Variants in KHDRBS3 observed in about 807,000 individuals in gnomAD.
KHDRBS3 encodes the protein KH domain-containing, RNA-binding, signal transduction-associated protein 3.
Under a neutral mutation model 45.6 loss-of-function variants are expected in KHDRBS3, and 23 were observed. That is an observed-to-expected ratio of 0.50 (90% CI 0.36 to 0.72). KHDRBS3 has a LOEUF of 0.72. Among genes scored for constraint, KHDRBS3 ranks in the 30% least tolerant of loss-of-function variants. KHDRBS3 has a pLI of 0.00. For missense variants in KHDRBS3, 352 were observed against 424.8 expected, an observed-to-expected ratio of 0.83 and a Z score of 1.51; for synonymous variants, 162 against 156.5, an observed-to-expected ratio of 1.04 and a Z score of -0.26.
intron 1 of KHDRBS3, chr8:135,458,245 G>A (rs1242163562): frequency 6.1e-6 from 7 of 1,151,410 alleles, no homozygotes; most frequent in Non-Finnish European, 6.5e-6. Flanking sequence ...CTGGGTGGGG[G>A]ACAGCGACCA....
chr8:135,520,486 A>G (rs1824852276), intron 1 of KHDRBS3, among the ~76,000 whole-genome samples: 1 of 152,182 alleles, frequency 6.6e-6, no homozygotes, highest in Admixed American at 6.5e-5. Context: ...AGAGAAATTT[A>G]TGTTCCAGAG....
intron 1 of KHDRBS3, among the ~76,000 whole-genome samples, chr8:135,463,917 G>A (rs1381697551): frequency 6.6e-6 from 1 of 152,140 alleles, no homozygotes; most frequent in Admixed American, 6.5e-5. Flanking sequence ...ACCAATTTGA[G>A]GCTCTTCCGT....
rs536653674 is a variant in KHDRBS3, at chr8:135,485,119, G to C, written c.88+27165G>C. On this transcript the variant is annotated intron_variant, in intron 1 of 8. Transcript: ENST00000355849. ...TACTCAGTTCAGTTTTCTTCAGTGC[G>C]CTCCTTTGCCATCTGACACATGATC... 3.9e-5 allele frequency among the ~76,000 whole-genome samples: 6 copies of C among 152,028 alleles called. No individual in the cohort carries two copies. In the South Asian group the frequency reaches 1.2e-3, roughly 32 times the overall value.
At chr8:135,553,431 AC>A (rs1826716309) in intron 4 of KHDRBS3, among the ~76,000 whole-genome samples, 1 of 152,024 alleles carries the variant, frequency 6.6e-6, no homozygotes, top group South Asian at 2.1e-4. Context: ...TTTTTAACTT[AC>A]GTGATTTTGG....
chr8:135,576,583 GT>G (rs940168367), intron 5 of KHDRBS3, among the ~76,000 whole-genome samples: 27 of 148,308 alleles, frequency 1.8e-4, no homozygotes, highest in Admixed American at 6.7e-4. Context: ...TAATTTGAGG[GT>G]TTTTTTTTTA....
chr8:135,537,873 ATT>A (rs1322420612), intron 2 of KHDRBS3, among the ~76,000 whole-genome samples: 1 of 152,182 alleles, frequency 6.6e-6, no homozygotes, highest in Non-Finnish European at 1.5e-5. Context: ...ATTAAAATGT[ATT>A]TGCTTATTTC....
intron 7 of KHDRBS3, among the ~76,000 whole-genome samples, chr8:135,626,147 A>G (rs953040506): frequency 2.0e-5 from 3 of 152,268 alleles, no homozygotes; most frequent in African/African-American, 7.2e-5. Flanking sequence ...GCTGTCCTTC[A>G]TATATGTATA....
At chr8:135,462,494 CG>C (rs1351698379) in intron 1 of KHDRBS3, among the ~76,000 whole-genome samples, 2 of 152,028 alleles carry the variant, frequency 1.3e-5, no homozygotes, top group African/African-American at 4.8e-5. Flanking sequence ...AATGAATTTT[CG>C]GTTTGTAGAT....
chr8:135,565,215 A>C (rs1274761675), intron 5 of KHDRBS3, among the ~76,000 whole-genome samples: 1 of 152,166 alleles, frequency 6.6e-6, no homozygotes, highest in Admixed American at 6.5e-5. Flanking sequence ...GGAATTTCTT[A>C]AGCAAGAACA....
At chr8:135,632,262 G>A (rs771579675) in intron 7 of KHDRBS3, among the ~76,000 whole-genome samples, 6 of 152,266 alleles carry the variant, frequency 3.9e-5, no homozygotes, top group Middle Eastern at 6.8e-3. Context: ...GAGGGAATCC[G>A]TCGTTCCTTC....
chr8:135,538,805 G>A (rs775025073), intron 2 of KHDRBS3: 5 of 152,084 alleles, frequency 3.3e-5, no homozygotes, highest in Non-Finnish European at 4.4e-5. Context: ...TGCCGCTTTC[G>A]TTGTTTATTA....
intron 7 of KHDRBS3, among the ~76,000 whole-genome samples, chr8:135,627,335 G>A (rs1355808554): frequency 6.6e-6 from 1 of 152,206 alleles, no homozygotes; most frequent in African/African-American, 2.4e-5. Context: ...GAAGAAGGGG[G>A]AAGAGTGGAA....
At chr8:135,475,695 A>T (rs1023262383) in intron 1 of KHDRBS3, among the ~76,000 whole-genome samples, 11 of 152,128 alleles carry the variant, frequency 7.2e-5, no homozygotes, top group Admixed American at 7.2e-4. Context: ...ATAATTATTA[A>T]TAATAATGAT....
chr8:135,555,428 G>A (rs1586714101), intron 4 of KHDRBS3, among the ~76,000 whole-genome samples: 1 of 146,754 alleles, frequency 6.8e-6, no homozygotes, highest in South Asian at 2.1e-4. Context: ...TGTATTTTGT[G>A]TGTGGCCCAA....
At chr8:135,624,855 C>T (rs1456603565) in intron 7 of KHDRBS3, among the ~76,000 whole-genome samples, 1 of 152,182 alleles carries the variant, frequency 6.6e-6, no homozygotes, top group Non-Finnish European at 1.5e-5. Context: ...TTACATTTCT[C>T]CACTGAGGTC....
At chr8:135,485,751 A>C (rs1822820287) in intron 1 of KHDRBS3, among the ~76,000 whole-genome samples, 1 of 151,134 alleles carries the variant, frequency 6.6e-6, no homozygotes, top group Non-Finnish European at 1.5e-5. Context: ...AAAGTCCTTC[A>C]CAGGCCTTCA....
At chr8:135,504,361 C>G (rs1823885133) in intron 1 of KHDRBS3, among the ~76,000 whole-genome samples, 1 of 152,168 alleles carries the variant, frequency 6.6e-6, no homozygotes, top group African/African-American at 2.4e-5. Flanking sequence ...GCATTTTCCT[C>G]TAAGGAACTT....
chr8:135,577,019 A>G, intron 5 of KHDRBS3, among the ~76,000 whole-genome samples: 1 of 152,120 alleles, frequency 6.6e-6, no homozygotes, highest in East Asian at 1.9e-4. Flanking sequence ...TCCAGGATAC[A>G]TGTACAGTGA....
At chr8:135,646,044 A>G (rs1301388336) in intron 8 of KHDRBS3, among the ~76,000 whole-genome samples, 1 of 143,486 alleles carries the variant, frequency 7.0e-6, no homozygotes, top group Non-Finnish European at 1.5e-5. Flanking sequence ...CAAACACTTA[A>G]GAGAAATATG....
Sources: allele counts gnomAD v4.1 joint callset (sites outside exome capture counted in the v4.1 genomes callset), GRCh38; gene constraint gnomAD v4.1.1; transcripts MANE v1.5; gene names NCBI Gene and HGNC (gene_info 2026-07-23, HGNC 2026-07-21).